Variants in FARP1 observed in about 807,000 individuals in gnomAD.
The protein encoded by FARP1 is FERM, ARH/RhoGEF and pleckstrin domain protein 1, also known as FERM, ARHGEF and pleckstrin domain-containing protein 1.
A neutral mutation model predicts 128.8 loss-of-function variants in FARP1; 52 were observed. The observed-to-expected ratio is 0.40, with a 90% CI of 0.32 to 0.51. The LOEUF (loss-of-function observed/expected upper bound fraction) is 0.51. Among genes scored for constraint, FARP1 ranks in the 20% least tolerant of loss-of-function variants. The pLI, the probability that FARP1 is intolerant of heterozygous loss-of-function variation, is 0.45. For missense variants in FARP1, 1,333 were observed against 1,367.9 expected, an observed-to-expected ratio of 0.97 and a Z score of 0.40; for synonymous variants, 580 against 551.8, an observed-to-expected ratio of 1.05 and a Z score of -0.72.
rs538400020 is a variant in FARP1, at chr13:98,321,389, A to C, written c.172-22373A>C. 1.3e-4 allele frequency among the ~76,000 whole-genome samples: 20 copies of C among 152,304 alleles called. 1 individual carries two copies. Among genetic ancestry groups the C allele is most frequent in the African/African-American group, 4.8e-4 (20 of 41,564 alleles). On this transcript the variant is annotated intron_variant, in intron 2 of 26. Transcript: ENST00000319562. The stretch of plus-strand genomic sequence containing the variant: ...GTTACATATCAAAGCGTGAAGTTAA[A>C]CCCACGCTTAGACAAATGGTTGTGT...
intron 2 of FARP1, among the ~76,000 whole-genome samples, chr13:98,222,674 T>G (rs1881487984): frequency 6.6e-6 from 1 of 151,060 alleles, no homozygotes; most frequent in Non-Finnish European, 1.5e-5. Context: ...TAGGCTGGAG[T>G]GCAGTGGAAT....
At chr13:98,234,691 GA>G (rs1240091367) in intron 2 of FARP1, 1 of 152,082 alleles carries the variant, frequency 6.6e-6, no homozygotes, top group Non-Finnish European at 1.5e-5. Context: ...TGACAAGCAG[GA>G]AACAAAAAGA....
rs1345218634 is a variant in FARP1, at chr13:98,295,100, CACACAT to C, written c.172-48660_172-48655del. Among the ~76,000 whole-genome samples, 116 of 23,662 alleles carry C rather than the reference CACACAT, an allele frequency of 4.9e-3. 7 individuals are homozygous for C. Among genetic ancestry groups the C allele is most frequent in the East Asian group, 0.011 (8 of 704 alleles). The allele number at this position is 23,662 out of a possible 152,430, so 15.5% of individuals were successfully genotyped here. A position where few individuals can be genotyped will look rare whatever the true frequency, so the allele number is the denominator to read the frequency against. ...ACACACACACACACACACACACACA[CACACAT>C]ATATCCCCAGGCATTATTTATTTAT... On this transcript the variant is annotated intron_variant, in intron 2 of 26. Coordinates refer to ENST00000319562, the MANE Select transcript of FARP1 (RefSeq NM_005766.4).
intron 2 of FARP1, among the ~76,000 whole-genome samples, chr13:98,283,393 T>C (rs1179973326): frequency 2.0e-5 from 3 of 152,212 alleles, no homozygotes; most frequent in Admixed American, 6.5e-5. Context: ...GAAAATGCCA[T>C]GTACAGCAAT....
At chr13:98,187,790 GACATGT>G (rs966831750) in intron 1 of FARP1, among the ~76,000 whole-genome samples, 42 of 152,170 alleles carry the variant, frequency 2.8e-4, no homozygotes, top group African/African-American at 9.9e-4. Flanking sequence ...GGCTGTTGGG[GACATGT>G]ACAGTTAGTT....
chr13:98,146,629 G>A (rs1875586208), intron 1 of FARP1, among the ~76,000 whole-genome samples: 1 of 152,216 alleles, frequency 6.6e-6, no homozygotes, highest in Non-Finnish European at 1.5e-5. Flanking sequence ...TTTGAGAAAT[G>A]CACTTTCCTC....
chr13:98,178,189 A>ATTTTTTTTTTTTTTTTTTTTTTTTT, intron 1 of FARP1, among the ~76,000 whole-genome samples: 1 of 112,990 alleles, frequency 8.9e-6, no homozygotes, highest in Non-Finnish European at 1.8e-5. Context: ...ATCATTTTTA[A>ATTTTTTTTTTTTTTTTTTTTTTTTT]TTTTTTTTTT....
chr13:98,364,955 T>G (rs1889022094), intron 3 of FARP1, among the ~76,000 whole-genome samples: 1 of 152,204 alleles, frequency 6.6e-6, no homozygotes, highest in Non-Finnish European at 1.5e-5. Flanking sequence ...GAGGTGGTGT[T>G]CTGTAAATAT....
At chr13:98,262,006 C>T (rs1883905070) in intron 2 of FARP1, among the ~76,000 whole-genome samples, 1 of 141,668 alleles carries the variant, frequency 7.1e-6, no homozygotes, top group African/African-American at 2.6e-5. Flanking sequence ...ATACTGTGCC[C>T]ACCCCCGCCC....
Position 98,154,581 on chromosome 13 carries a change from TA to T in FARP1, c.-24+11092del, listed in dbSNP as rs566892379. Among the ~76,000 whole-genome samples, 20 of 152,282 alleles carry T rather than the reference TA, an allele frequency of 1.3e-4. No individual in the cohort carries two copies. In the South Asian group the frequency reaches 3.7e-3, roughly 28 times the overall value. On this transcript the variant is annotated intron_variant, in intron 1 of 26. Transcript: ENST00000319562. The stretch of plus-strand genomic sequence containing the variant: ...CAGAATGGAACAGCGCCAGCGGGAA[TA>T]AATAAGATGTCAGTCCTGTAGGTGA...
At chr13:98,309,271 A>G (rs1264188179) in intron 2 of FARP1, among the ~76,000 whole-genome samples, 18 of 133,700 alleles carry the variant, frequency 1.3e-4, no homozygotes, top group Non-Finnish European at 1.5e-5. Flanking sequence ...GGTTCACGCC[A>G]TTCTCCTGCC....
intron 2 of FARP1, among the ~76,000 whole-genome samples, chr13:98,318,844 A>T (rs1270274831): frequency 6.6e-6 from 1 of 151,730 alleles, no homozygotes; most frequent in East Asian, 1.9e-4. Context: ...TGGCGTTTGT[A>T]TCTTTCTGGA....
intron 2 of FARP1, among the ~76,000 whole-genome samples, chr13:98,311,064 T>C (rs1429958916): frequency 1.3e-5 from 2 of 152,220 alleles, no homozygotes; most frequent in African/African-American, 2.4e-5. Flanking sequence ...GACCTGTTGC[T>C]TCTTAGTAAT....
In FARP1 at chr13:98,220,038, A is replaced by AT. The variant is rs11335167; in HGVS notation, c.171+6637dup. Among the ~76,000 whole-genome samples, 649 of 148,744 alleles carry AT rather than the reference A, an allele frequency of 4.4e-3. 2 individuals carry two copies. The highest frequency in any genetic ancestry group is 0.014 in the Middle Eastern group (4 of 288). On this transcript the variant is annotated intron_variant, in intron 2 of 26. Coordinates refer to ENST00000319562, the MANE Select transcript of FARP1 (RefSeq NM_005766.4). ...CCCTTTTTGGTAAGCTGAAGAAAGTATTTTTTTTTTTTCTTTTTCTTTTTC... is the reference window on the plus strand; with the variant it reads ...CCCTTTTTGGTAAGCTGAAGAAAGTATTTTTTTTTTTTTCTTTTTCTTTTTC...
intron 2 of FARP1, among the ~76,000 whole-genome samples, chr13:98,309,302 G>A (rs1424952926): frequency 5.4e-5 from 8 of 149,002 alleles, no homozygotes; most frequent in Admixed American, 4.7e-4. Context: ...GAGTAGCTGG[G>A]CCTACAGGCG....
chr13:98,452,685 C>CTGTATTGTTCTGTACTGT lies in FARP1; in HGVS notation c.*4368_*4369insTGTATTGTTCTGTACTGT, dbSNP rs764654031. The CTGTATTGTTCTGTACTGT allele has an allele frequency of 2.2e-3, 334 of 154,366 alleles. 2 individuals carry two copies. Among genetic ancestry groups the CTGTATTGTTCTGTACTGT allele is most frequent in the Non-Finnish European group, 3.6e-3 (251 of 69,264 alleles). The allele number at this position is 154,366 out of a possible 1,614,324, so 9.6% of individuals were successfully genotyped here. A position where few individuals can be genotyped will look rare whatever the true frequency, so the allele number is the denominator to read the frequency against. Reference sequence around the variant, plus strand: ...TACAGAAGCACTTGGCCAGTTTGTACACAGTGATTCCTTATGCACGCCGAA... The same window carrying CTGTATTGTTCTGTACTGT: ...TACAGAAGCACTTGGCCAGTTTGTACTGTATTGTTCTGTACTGTACAGTGATTCCTTATGCACGCCGAA... On this transcript the variant is annotated 3_prime_UTR_variant, in exon 27 of 27. Transcript: ENST00000319562.
rs142538395 is a variant in FARP1 at position 98,355,117 on chromosome 13, G to A, written c.277-10278G>A. On this transcript the variant is annotated intron_variant, in intron 3 of 26. Transcript: ENST00000319562. ...AATCCTAGCGCTTTGGGTGGCTGAG[G>A]CATGTGGATCACTTGAGCTCAGGAG... is the stretch of plus-strand genomic sequence containing the variant. 2.5e-3 allele frequency among the ~76,000 whole-genome samples: 376 copies of A among 152,226 alleles called. 5 individuals carry two copies. Among genetic ancestry groups the A allele is most frequent in the African/African-American group, 8.3e-3 (345 of 41,538 alleles).
At chr13:98,431,009 T>G (rs369005921) in intron 17 of FARP1, 34 bp from the exon 18 acceptor site, 3 of 1,460,670 alleles carry the variant, frequency 2.1e-6, no homozygotes, top group Non-Finnish European at 2.9e-6. Flanking sequence ...CCCATTCAGC[T>G]GAACAGGACC....
chr13:98,297,485 T>C (rs144074898), intron 2 of FARP1, among the ~76,000 whole-genome samples: 4 of 152,312 alleles, frequency 2.6e-5, no homozygotes, highest in African/African-American at 7.2e-5. Context: ...TATTTTGTTC[T>C]TAGGAATTTT....
Sources: allele counts gnomAD v4.1 joint callset (sites outside exome capture counted in the v4.1 genomes callset), GRCh38; gene constraint gnomAD v4.1.1; transcripts MANE v1.5; gene names NCBI Gene and HGNC (gene_info 2026-07-23, HGNC 2026-07-21).